HELZ: variants seen among roughly 807,000 people sequenced by gnomAD.
The protein encoded by HELZ is ATP-dependent RNA helicase with zinc finger domain.
HELZ carries 23 observed loss-of-function variants against 218.2 expected under a neutral mutation model. The observed-to-expected ratio is 0.11, with a 90% CI of 0.08 to 0.15. The LOEUF is 0.15. Among genes scored for constraint, HELZ ranks in the 10% least tolerant of loss-of-function variants. The pLI is 1.00. For missense variants in HELZ, 1,813 were observed against 2,353.7 expected, an observed-to-expected ratio of 0.77 and a Z score of 4.75; for synonymous variants, 814 against 829.4, an observed-to-expected ratio of 0.98 and a Z score of 0.32.
chr17:67,086,639 T>TAAATATAA (rs946122377), intron 32 of HELZ, among the ~76,000 whole-genome samples, 190 bp downstream of exon 32: 1 of 86,380 alleles, frequency 1.2e-5, no homozygotes, highest in African/African-American at 3.7e-5. Flanking sequence ...TAAATATATA[T>TAAATATAA]ATATATATAT....
At chr17:67,233,450 G>A (rs1442304857) in intron 3 of HELZ, among the ~76,000 whole-genome samples, 2 of 152,112 alleles carry the variant, frequency 1.3e-5, no homozygotes, top group South Asian at 2.1e-4. Context: ...CTGCTGCCTG[G>A]GTGAGGAGAC....
At position 67,073,255 on chromosome 17, in the gene HELZ, G is replaced by A. The variant is rs1423955284; in HGVS notation, c.*4997C>T. On this transcript the variant is annotated 3_prime_UTR_variant, in exon 33 of 33. Transcript: ENST00000358691. Reference sequence around the variant, plus strand: ...CCCTCCTCTACATAGTTCTAAGGCAGGCAATCACATGCTAGTATGCAAAGT... The same window carrying A: ...CCCTCCTCTACATAGTTCTAAGGCAAGCAATCACATGCTAGTATGCAAAGT... 1 of 152,528 alleles carries A rather than the reference G, an allele frequency of 6.6e-6. No homozygotes were observed. The highest frequency in any genetic ancestry group is 2.4e-5 in the African/African-American group (1 of 41,400). The allele number at this position is 152,528 out of a possible 1,614,324, so 9.4% of individuals were successfully genotyped here.
intron 1 of HELZ, chr17:67,244,602 G>A (rs1377605576): frequency 1.1e-6 from 1 of 940,266 alleles, no homozygotes; most frequent in Non-Finnish European, 1.3e-6. Flanking sequence ...GGGGAAGAAA[G>A]TGAATCTCGG....
chr17:67,127,636 C>T (rs1314797837), intron 24 of HELZ, among the ~76,000 whole-genome samples: 2 of 152,068 alleles, frequency 1.3e-5, no homozygotes, highest in Non-Finnish European at 2.9e-5. Flanking sequence ...TCACCTGAGC[C>T]CCGGAGTTTG....
At chr17:67,203,964 T>C (rs1361792511) in intron 5 of HELZ, among the ~76,000 whole-genome samples, 2 of 152,226 alleles carry the variant, frequency 1.3e-5, no homozygotes, top group African/African-American at 4.8e-5. Flanking sequence ...TGCAAGGGTT[T>C]GCAGATTTAA....
At position 67,087,065 on chromosome 17, in the gene HELZ, G is replaced by C; in HGVS notation, c.5258C>G (p.Pro1753Arg). ...TCTTCTTTGGTACAAGGGCCGACCA[G>C]GTCCTCTGGGCTCATACTACACAAA... ...PSLEEYEPRG[P>R]GRPLYQRRIS... The change falls in exon 32 of 33, where the codon CCT (proline) becomes CGT (arginine). Residue 1753 changes from proline to arginine, a missense_variant. Coordinates refer to ENST00000358691, the MANE Select transcript of HELZ (RefSeq NM_014877.4). 6.2e-7 allele frequency: 1 copy of C among 1,614,034 alleles called. No homozygotes were observed. Among genetic ancestry groups the C allele is most frequent in the Non-Finnish European group, 8.5e-7 (1 of 1,179,946 alleles).
intron 32 of HELZ, among the ~76,000 whole-genome samples, chr17:67,084,262 AAG>A (rs1276689691): frequency 6.6e-6 from 1 of 152,254 alleles, no homozygotes; most frequent in Non-Finnish European, 1.5e-5. Flanking sequence ...ATTTGCAGAA[AAG>A]ATACCACAAA....
intron 15 of HELZ, among the ~76,000 whole-genome samples, chr17:67,165,393 G>A (rs993987973): frequency 4.6e-5 from 7 of 152,156 alleles, no homozygotes; most frequent in South Asian, 2.1e-4. Context: ...GTGACCCTCC[G>A]TGCTCACTCT....
chr17:67,085,554 G>GTT (rs11420818), intron 32 of HELZ, among the ~76,000 whole-genome samples: 287 of 151,328 alleles, frequency 1.9e-3, no homozygotes, highest in African/African-American at 4.0e-3. Flanking sequence ...GCTTTTAAAT[G>GTT]TTTTTTTTTA....
At chr17:67,151,374 T>G (rs1478865885) in intron 17 of HELZ, 150 bp from the exon 18 acceptor site, 1 of 649,426 alleles carries the variant, frequency 1.5e-6, no homozygotes. Context: ...TGAATTAGAA[T>G]TTAACACACA....
At chr17:67,150,375 T>C (rs1379411624) in intron 18 of HELZ, among the ~76,000 whole-genome samples, 2 of 152,058 alleles carry the variant, frequency 1.3e-5, no homozygotes, top group Non-Finnish European at 2.9e-5. Context: ...GTGATCCGCC[T>C]GCCTCGGCCT....
At chr17:67,239,310 A>C (rs2041263640) in intron 3 of HELZ, 123 bp downstream of exon 3, 1 of 152,316 alleles carries the variant, frequency 6.6e-6, no homozygotes, top group East Asian at 1.9e-4. Context: ...TTCCGTTAGG[A>C]TCTGTGCCTT....
At chr17:67,171,924 C>T (rs1046669265) in intron 13 of HELZ, among the ~76,000 whole-genome samples, 4 of 151,948 alleles carry the variant, frequency 2.6e-5, no homozygotes, top group African/African-American at 4.8e-5. Context: ...CTCCACCTCC[C>T]GGGTTCAAGC....
At chr17:67,081,238 T>C (rs2143535727) in intron 32 of HELZ, among the ~76,000 whole-genome samples, 1 of 152,300 alleles carries the variant, frequency 6.6e-6, no homozygotes. Context: ...TAGTGTGAAC[T>C]ACCCAATTAG....
At chr17:67,124,946 C>A (rs868375063) in intron 24 of HELZ, among the ~76,000 whole-genome samples, 1 of 151,590 alleles carries the variant, frequency 6.6e-6, no homozygotes, top group African/African-American at 2.4e-5. Flanking sequence ...TAGCACATTG[C>A]GCAACTTACC....
At chr17:67,186,937 A>T (rs1052044118) in intron 12 of HELZ, among the ~76,000 whole-genome samples, 5 of 152,178 alleles carry the variant, frequency 3.3e-5, no homozygotes, top group Non-Finnish European at 5.9e-5. Context: ...TACAACACGA[A>T]AGTCAAATGT....
At chr17:67,129,942 T>C (rs1057365714) in intron 23 of HELZ, among the ~76,000 whole-genome samples, 6 of 152,162 alleles carry the variant, frequency 3.9e-5, no homozygotes, top group Non-Finnish European at 8.8e-5. Context: ...CTTCCCAAGT[T>C]GGTATCCTTG....
At position 67,109,187 on chromosome 17, in the gene HELZ, G is replaced by A; in HGVS notation, c.4418C>T (p.Pro1473Leu). The change falls in exon 29 of 33, where the codon CCC (proline) becomes CTC (leucine). Residue 1473 changes from proline (P) to leucine (L), a missense_variant. Transcript: ENST00000358691. ...GCTATTCAGATGTGAAGGAAGAATG[G>A]GGCCGGGTTGTGCAATGGCTCTCAG... The part of the protein sequence containing the change: ...SPLRAIAQPG[P>L]ILPSHLNSFI... 1.9e-6 allele frequency: 3 copies of A among 1,614,104 alleles called. No individual in the cohort carries two copies. The highest frequency in any genetic ancestry group is 2.5e-6 in the Non-Finnish European group (3 of 1,180,038).
At chr17:67,165,559 T>C (rs1386574591) in intron 15 of HELZ, among the ~76,000 whole-genome samples, 1 of 152,090 alleles carries the variant, frequency 6.6e-6, no homozygotes, top group South Asian at 2.1e-4. Context: ...GCCACTGAGA[T>C]TAAAAAAGAA....
Sources: allele counts gnomAD v4.1 joint callset (sites outside exome capture counted in the v4.1 genomes callset), GRCh38; gene constraint gnomAD v4.1.1; transcripts MANE v1.5; gene names NCBI Gene and HGNC (gene_info 2026-07-23, HGNC 2026-07-21).